The following DLG3 variants were observed in gnomAD, a reference collection of about 807,000 sequenced individuals.
The protein encoded by DLG3 is disks large homolog 3.
DLG3 carries 1 observed loss-of-function variant against 64.1 expected under a neutral mutation model. The observed-to-expected ratio is 0.02, with a 90% CI of 0.01 to 0.07. The LOEUF (loss-of-function observed/expected upper bound fraction) is 0.07, where lower values mean the gene tolerates loss of function less well. Among genes scored for constraint, DLG3 ranks in the 10% least tolerant of loss-of-function variants. DLG3 has a pLI of 1.00. For synonymous variants in DLG3, 245 were observed against 259.8 expected (o/e 0.94, Z 0.55); for missense variants, 429 against 669.5 (o/e 0.64, Z 3.96).
intron 9 of DLG3, among the ~76,000 whole-genome samples, chrX:70,471,389 G>T (rs1195861994): frequency 1.9e-5 from 2 of 107,717 alleles, no homozygotes; most frequent in African/African-American, 6.8e-5. Flanking sequence ...GAGTGCAGTG[G>T]TGCGATCTCG....
intron 9 of DLG3, among the ~76,000 whole-genome samples, chrX:70,460,664 A>G (rs2086787900): frequency 8.9e-6 from 1 of 112,258 alleles, no homozygotes; most frequent in Non-Finnish European, 1.9e-5. Context: ...ATGTTCACAG[A>G]GTTGTGCAGC....
At chrX:70,460,522 G>C (rs989152068) in intron 9 of DLG3, among the ~76,000 whole-genome samples, 1 of 112,156 alleles carries the variant, frequency 8.9e-6, no homozygotes, top group Non-Finnish European at 1.9e-5. Flanking sequence ...ACGTGTGCAG[G>C]CTTAAGGATA....
At chrX:70,458,638 A>G in intron 9 of DLG3, among the ~76,000 whole-genome samples, 1 of 112,607 alleles carries the variant, frequency 8.9e-6, no homozygotes, top group Non-Finnish European at 1.9e-5. Flanking sequence ...TTAACCCATA[A>G]TGAAGTATAG....
chrX:70,448,425 C>T (rs1455834760), intron 1 of DLG3, among the ~76,000 whole-genome samples: 3 of 112,449 alleles, frequency 2.7e-5, no homozygotes, highest in African/African-American at 9.7e-5. Context: ...GCTGTCCTTC[C>T]AGTTCGGACA....
intron 1 of DLG3, chrX:70,448,574 C>T (rs1340266530): frequency 8.6e-7 from 1 of 1,164,723 alleles, no homozygotes; most frequent in Admixed American, 2.6e-5. Context: ...CTGCCATCCC[C>T]CTTAGGCCAG....
At chrX:70,464,487 C>T (rs1423581436) in intron 9 of DLG3, among the ~76,000 whole-genome samples, 1 of 111,010 alleles carries the variant, frequency 9.0e-6, no homozygotes, top group Non-Finnish European at 1.9e-5. Context: ...TCTTGAACTC[C>T]TGAGCTCAAG....
At chrX:70,467,088 G>A (rs1306977194) in intron 9 of DLG3, among the ~76,000 whole-genome samples, 2 of 109,731 alleles carry the variant, frequency 1.8e-5, no homozygotes, top group African/African-American at 3.3e-5. Flanking sequence ...TAATTTTTGT[G>A]GTTTTTTTGT....
chrX:70,499,618 G>A (rs1338597839), intron 15 of DLG3, among the ~76,000 whole-genome samples: 1 of 111,705 alleles, frequency 9.0e-6, no homozygotes, highest in Non-Finnish European at 1.9e-5. Context: ...GGCACCCTCT[G>A]CCATGCTTTA....
intron 14 of DLG3, 36 bp from the exon 15 acceptor site, chrX:70,499,140 G>GC (rs756864152): frequency 1.9e-6 from 2 of 1,046,449 alleles, no homozygotes; most frequent in Non-Finnish European, 2.7e-6. Context: ...TCTGGTGGGG[G>GC]CCTCTGTTCA....
chrX:70,487,535 T>C (rs5980950), intron 10 of DLG3, among the ~76,000 whole-genome samples: 4,975 of 112,092 alleles, frequency 0.044, 286 homozygotes, highest in African/African-American at 0.15. Flanking sequence ...CCTTTTGGGC[T>C]TCTTGCTACA....
In DLG3 at chrX:70,504,923, A is replaced by C. The variant is rs1390878490; in HGVS notation, c.*2654A>C. 1 of 112,077 alleles carries C rather than the reference A, an allele frequency of 8.9e-6. No individual in the cohort carries two copies. The highest frequency in any genetic ancestry group is 3.3e-5 in the African/African-American group (1 of 30,753). 9.2% of individuals were successfully genotyped at this position (112,077 alleles called of 1,213,427 possible). A position where few individuals can be genotyped will look rare whatever the true frequency, so the allele number is the denominator to read the frequency against. ...GGTGCCATTGCAACTTGTGCGGAGG[A>C]GTCTTAGGAAGTGCTGTCATAATTC... On this transcript the variant is annotated 3_prime_UTR_variant, in exon 19 of 19. Transcript: ENST00000374360.
chrX:70,498,013 A>G (rs191836458), intron 13 of DLG3, among the ~76,000 whole-genome samples: 42 of 111,617 alleles, frequency 3.8e-4, no homozygotes, highest in African/African-American at 1.3e-3. Flanking sequence ...ACCTTAGCAG[A>G]GCCATGTGCC....
intron 1 of DLG3, among the ~76,000 whole-genome samples, chrX:70,446,380 G>C (rs890484196): frequency 9.4e-6 from 1 of 106,099 alleles, no homozygotes; most frequent in Non-Finnish European, 2.0e-5. Context: ...TGAGAAGGAC[G>C]GACTCTTTTG....
chrX:70,478,202 T>G (rs1382143899), intron 9 of DLG3, among the ~76,000 whole-genome samples: 1 of 112,390 alleles, frequency 8.9e-6, no homozygotes, highest in Non-Finnish European at 1.9e-5. Flanking sequence ...GTGTGTTTGG[T>G]AAGTGTGAAT....
At chrX:70,469,516 C>T (rs2086935945) in intron 9 of DLG3, among the ~76,000 whole-genome samples, 1 of 79,814 alleles carries the variant, frequency 1.3e-5, no homozygotes, top group Non-Finnish European at 2.5e-5. Context: ...AGTCTCGGCT[C>T]ACTGCAACCT....
chrX:70,451,694 C>A (rs918672545), intron 6 of DLG3, among the ~76,000 whole-genome samples, 173 bp from the exon 7 acceptor site: 1 of 111,595 alleles, frequency 9.0e-6, no homozygotes, highest in Non-Finnish European at 1.9e-5. Context: ...AAAGGGACTG[C>A]GGAGGAGGAA....
chrX:70,460,147 G>A (rs1413135754), intron 9 of DLG3, among the ~76,000 whole-genome samples: 2 of 109,914 alleles, frequency 1.8e-5, no homozygotes, highest in Admixed American at 2.0e-4. Context: ...GCTGGGTGTG[G>A]TGGCATGCGC....
At position 70,451,922 on chromosome X, in the gene DLG3, C is replaced by T; in HGVS notation, c.1041C>T (p.Leu347=). The T allele has an allele frequency of 8.3e-7, 1 of 1,211,498 alleles. No homozygotes were observed. The highest frequency in any genetic ancestry group is 1.8e-5 in the South Asian group (1 of 56,950). The change falls in exon 7 of 19, where the codon CTC becomes CTT. Residue 347 remains leucine, a synonymous_variant. Coordinates refer to ENST00000374360, the MANE Select transcript of DLG3 (RefSeq NM_021120.4). ...GCCATAATTCCAGCCTGGGTTATCT[C>T]GGGGCTGTGGAGAGCAAGGTCAGCT... ...HISHNSSLGY[L]GAVESKVSYP... is the part of the protein sequence containing the mutation.
chrX:70,492,331 T>C (rs764496785), intron 11 of DLG3, 48 bp downstream of exon 11: 60 of 1,195,196 alleles, frequency 5.0e-5, no homozygotes, highest in Non-Finnish European at 6.5e-5. Flanking sequence ...CTCTTGCTGG[T>C]ATTTCTTTCT....
Sources: gnomAD v4.1 joint callset for allele counts (sites outside exome capture counted in the v4.1 genomes callset) on GRCh38, gnomAD v4.1.1 for gene constraint, MANE v1.5 for transcripts, NCBI Gene and HGNC (gene_info 2026-07-23, HGNC 2026-07-21) for gene names.